THSD7B: variants seen among roughly 807,000 people sequenced by gnomAD.
The protein encoded by THSD7B is thrombospondin type 1 domain containing 7B.
A neutral mutation model predicts 213.6 loss-of-function variants in THSD7B; 138 were observed. The observed-to-expected ratio is 0.65, with a 90% CI of 0.56 to 0.74. The LOEUF (loss-of-function observed/expected upper bound fraction) is 0.74. THSD7B is among the 30% of genes least tolerant of loss of function. The pLI is 0.00. For missense variants in THSD7B, 1,931 were observed against 1,991.5 expected (o/e 0.97, Z 0.58); for synonymous variants, 742 against 687.0 (o/e 1.08, Z -1.25).
chr2:137,225,958 G>C (rs892802518), intron 7 of THSD7B, among the ~76,000 whole-genome samples: 1 of 151,558 alleles, frequency 6.6e-6, no homozygotes, highest in Non-Finnish European at 1.5e-5. Flanking sequence ...AGCTGGTTAG[G>C]GTCTCAATCC....
At chr2:137,360,312 G>A (rs922046203) in intron 12 of THSD7B, among the ~76,000 whole-genome samples, 9 of 152,160 alleles carry the variant, frequency 5.9e-5, no homozygotes, top group South Asian at 4.2e-4. Flanking sequence ...GCAGAAGACC[G>A]GGGATTTCTG....
At chr2:137,492,964 AT>A (rs1302266238) in intron 15 of THSD7B, among the ~76,000 whole-genome samples, 20 of 151,754 alleles carry the variant, frequency 1.3e-4, no homozygotes, top group South Asian at 8.3e-4. Flanking sequence ...TACTAAAAAT[AT>A]AAAAAATTAG....
At chr2:137,128,208 A>T (rs1463322710) in intron 5 of THSD7B, among the ~76,000 whole-genome samples, 1 of 152,172 alleles carries the variant, frequency 6.6e-6, no homozygotes, top group Non-Finnish European at 1.5e-5. Flanking sequence ...TGTACTATAG[A>T]TTAAATAAAG....
intron 4 of THSD7B, among the ~76,000 whole-genome samples, chr2:137,103,579 A>G (rs1332392736): frequency 1.3e-5 from 2 of 152,192 alleles, no homozygotes; most frequent in Non-Finnish European, 2.9e-5. Flanking sequence ...ATTAAAAGAC[A>G]CAGACTGGCA....
Position 137,056,625 on chromosome 2 carries a change from G to T in THSD7B, c.345G>T (p.Val115=), listed in dbSNP as rs766784829. The T allele has an allele frequency of 5.0e-5, 80 of 1,613,874 alleles. No individual in the cohort carries two copies. The highest frequency in any genetic ancestry group is 6.1e-5 in the Non-Finnish European group (72 of 1,179,890). Residue 115 remains valine (V), a synonymous_variant, in exon 3 of 28, where the codon GTG becomes GTT. Coordinates refer to ENST00000409968, the MANE Select transcript of THSD7B (RefSeq NM_001316349.2). ...QWEVSDWHHC[V]LVPYARGEVK... ...AGGTTTCTGACTGGCACCACTGTGTGCTTGTTCCTTACGCTCGCGGTGAAG... is the reference window on the plus strand; with the variant it reads ...AGGTTTCTGACTGGCACCACTGTGTTCTTGTTCCTTACGCTCGCGGTGAAG...
At chr2:137,290,156 G>A (rs1253699220) in intron 12 of THSD7B, among the ~76,000 whole-genome samples, 5 of 146,746 alleles carry the variant, frequency 3.4e-5, no homozygotes, top group African/African-American at 5.1e-5. Context: ...CTGTTGTCCA[G>A]GCTGTAGAGC....
intron 14 of THSD7B, among the ~76,000 whole-genome samples, chr2:137,447,949 T>C (rs1488767744): frequency 6.6e-6 from 1 of 151,990 alleles, no homozygotes; most frequent in Non-Finnish European, 1.5e-5. Context: ...AAGAAAAAAA[T>C]ATGAGAATGC....
chr2:136,953,137 TAGAGAAA>T (rs1325494150), intron 2 of THSD7B, among the ~76,000 whole-genome samples: 6 of 152,184 alleles, frequency 3.9e-5, no homozygotes, highest in African/African-American at 1.4e-4. Context: ...GAAAAGTATA[TAGAGAAA>T]AAACTAAAAC....
chr2:137,061,170 C>T (rs186467223), intron 3 of THSD7B, among the ~76,000 whole-genome samples: 3 of 151,380 alleles, frequency 2.0e-5, no homozygotes, highest in African/African-American at 2.4e-5. Context: ...ATAAGAAAAC[C>T]GTTAACTTTT....
intron 2 of THSD7B, among the ~76,000 whole-genome samples, chr2:137,005,142 T>C (rs190450954): frequency 3.9e-5 from 6 of 152,302 alleles, no homozygotes; most frequent in Admixed American, 2.0e-4. Context: ...CATTATTTGA[T>C]ATAAACCAGA....
At chr2:137,261,286 T>C (rs535462522) in intron 10 of THSD7B, among the ~76,000 whole-genome samples, 239 of 152,260 alleles carry the variant, frequency 1.6e-3, no homozygotes, top group African/African-American at 5.4e-3. Context: ...GGTGACCCTC[T>C]GCTCAGTCTC....
intron 3 of THSD7B, among the ~76,000 whole-genome samples, chr2:137,083,516 A>G (rs1289340031): frequency 6.6e-6 from 1 of 152,092 alleles, no homozygotes; most frequent in Non-Finnish European, 1.5e-5. Context: ...AAACCTTGGT[A>G]TATGCAGGTT....
At chr2:137,572,624 T>G in intron 17 of THSD7B, 68 bp downstream of exon 17, 1 of 1,556,736 alleles carries the variant, frequency 6.4e-7, no homozygotes, top group Non-Finnish European at 8.8e-7. Flanking sequence ...CGTTGTGCAT[T>G]CACAGTGCTA....
chr2:137,268,722 C>A (rs1682662172), intron 10 of THSD7B, among the ~76,000 whole-genome samples: 1 of 152,136 alleles, frequency 6.6e-6, no homozygotes, highest in African/African-American at 2.4e-5. Flanking sequence ...CCTATCTCAG[C>A]CTGTGACTTA....
chr2:136,791,217 T>C (rs902645632), intron 1 of THSD7B, among the ~76,000 whole-genome samples: 10 of 151,926 alleles, frequency 6.6e-5, no homozygotes, highest in Admixed American at 3.9e-4. Context: ...CCTCCAAAAA[T>C]ACAAAACTAC....
chr2:136,925,369 T>A (rs1684505766), intron 2 of THSD7B, among the ~76,000 whole-genome samples: 1 of 152,224 alleles, frequency 6.6e-6, no homozygotes, highest in Non-Finnish European at 1.5e-5. Flanking sequence ...TTGTTGAATG[T>A]TTTTATCATG....
chr2:137,385,935 C>G (rs1310520254), intron 12 of THSD7B, among the ~76,000 whole-genome samples: 1 of 152,168 alleles, frequency 6.6e-6, no homozygotes, highest in Non-Finnish European at 1.5e-5. Flanking sequence ...CTTAATTCCA[C>G]TTATATTTTA....
At chr2:137,244,837 A>T (rs1328378696) in intron 10 of THSD7B, among the ~76,000 whole-genome samples, 1 of 152,190 alleles carries the variant, frequency 6.6e-6, no homozygotes, top group African/African-American at 2.4e-5. Context: ...TTAAGTAACT[A>T]TGGGTTAATT....
At chr2:137,224,646 A>C (rs1311563920) in intron 7 of THSD7B, among the ~76,000 whole-genome samples, 1 of 152,170 alleles carries the variant, frequency 6.6e-6, no homozygotes, top group Non-Finnish European at 1.5e-5. Context: ...ATCCTAGGTG[A>C]TCAAATTGTT....
Sources: gnomAD v4.1 joint callset for allele counts (sites outside exome capture counted in the v4.1 genomes callset) on GRCh38, gnomAD v4.1.1 for gene constraint, MANE v1.5 for transcripts, NCBI Gene and HGNC (gene_info 2026-07-23, HGNC 2026-07-21) for gene names.